TPSG1: variants seen among roughly 807,000 people sequenced by gnomAD.
The protein encoded by TPSG1 is tryptase gamma 1.
A neutral mutation model predicts 23.8 loss-of-function variants in TPSG1; 43 were observed. The ratio of observed to expected loss-of-function variants is 1.81; its 90% CI spans 1.42 to 2.33. The LOEUF (loss-of-function observed/expected upper bound fraction) is 2.33, where lower values mean the gene tolerates loss of function less well. Among genes scored for constraint, TPSG1 ranks in the 30% most tolerant of loss-of-function variants. The pLI is 0.00. For synonymous variants in TPSG1, 302 were observed against 201.3 expected (o/e 1.50, Z -4.23); for missense variants, 623 against 438.6 (o/e 1.42, Z -3.75).
At position 1,223,549 on chromosome 16, in the gene TPSG1, C is replaced by T. The variant is rs373060232; in HGVS notation, c.119G>A (p.Gly40Glu). Residue 40 changes from glycine (G) to glutamate (E), a missense_variant, in exon 3 of 6, where the codon GGG (glycine) becomes GAG (glutamate). Physicochemically the swap from Gly to Glu is moderately conservative, Grantham distance 98. Transcript: ENST00000234798. ...QVSDAGGRIV[G>E]GHAAPAGAWP... The stretch of plus-strand genomic sequence containing the variant: ...TGCGCCGGCCGGGGCAGCGTGACCC[C>T]CCACGATCCGGCCGCCTGCATCCGA... 9.8e-5 allele frequency: 151 copies of T among 1,547,242 alleles called. 1 individual carries two copies. In the African/African-American group the frequency reaches 2.0e-3, roughly 20 times the overall value.
intron 1 of TPSG1, chr16:1,224,877 C>G: frequency 3.3e-6 from 2 of 602,394 alleles, no homozygotes; most frequent in Non-Finnish European, 5.9e-6. Flanking sequence ...CCTCCCCGCC[C>G]TCCAGGTCCT....
chr16:1,223,446 G>C lies in TPSG1; in HGVS notation c.222C>G (p.Leu74=). Reference sequence around the variant, plus strand: ...ACCCGGAGAAGCAGTGGGCAGCTGTGAGCACCCACTGGGGGCTGAGCAGTG... The same window carrying C: ...ACCCGGAGAAGCAGTGGGCAGCTGTCAGCACCCACTGGGGGCTGAGCAGTG... ...GGSLLSPQWV[L]TAAHCFSGSL... is the part of the protein sequence containing the mutation. Residue 74 remains leucine, a synonymous_variant, in exon 3 of 6, where the codon CTC becomes CTG. Coordinates refer to ENST00000234798, the MANE Select transcript of TPSG1 (RefSeq NM_012467.4). 2 of 1,588,372 alleles carry C rather than the reference G, an allele frequency of 1.3e-6. No individual in the cohort carries two copies. Among genetic ancestry groups the C allele is most frequent in the Non-Finnish European group, 1.7e-6 (2 of 1,169,684 alleles).
chr16:1,222,700 G>A lies in TPSG1; in HGVS notation c.463C>T (p.Pro155Ser), dbSNP rs1371348218. 1 of 1,602,446 alleles carries A rather than the reference G, an allele frequency of 6.2e-7. No homozygotes were observed. The highest frequency in any genetic ancestry group is 1.1e-5 in the South Asian group (1 of 90,632). ...CCGGTCACCCAGCACCGGATCCCAG[G>A]GCAGAAGTCATCTGAGGCCTCCGGG... ...CLPEASDDFCPGIRCWVTGWG... is the reference protein window; with the variant it reads ...CLPEASDDFCSGIRCWVTGWG... Residue 155 changes from proline (P) to serine (S), a missense_variant, in exon 4 of 6, where the codon CCT (proline) becomes TCT (serine). Pro to Ser is a moderately conservative substitution (Grantham distance 74). Transcript: ENST00000234798.
chr16:1,221,692 A>G lies in TPSG1; in HGVS notation c.*96T>C, dbSNP rs1970490358. 2.4e-6 allele frequency: 3 copies of G among 1,238,876 alleles called. No individual in the cohort carries two copies. Among genetic ancestry groups the G allele is most frequent in the Admixed American group, 2.9e-5 (1 of 34,732 alleles). 76.7% of individuals were successfully genotyped at this position (1,238,876 alleles called of 1,614,324 possible). Reference sequence around the variant, plus strand: ...TTAAATTCAGGTTAAATGTTGCAATAATCTGATGCAGAAGACTCAGCTTCT... The same window carrying G: ...TTAAATTCAGGTTAAATGTTGCAATGATCTGATGCAGAAGACTCAGCTTCT... On this transcript the variant is annotated 3_prime_UTR_variant, in exon 6 of 6. Coordinates refer to ENST00000234798, the MANE Select transcript of TPSG1 (RefSeq NM_012467.4).
In TPSG1 at chr16:1,222,271, C is replaced by G. The variant is rs1029398695; in HGVS notation, c.582G>C (p.Arg194=). The change falls in exon 5 of 6, where the codon CGG becomes CGC. Residue 194 remains arginine (R), a synonymous_variant. Transcript: ENST00000234798. ...VSVVDTETCR[R]DYPGPGGSIL... is the part of the protein sequence containing the mutation. ...TGCTGCCCCCGGGGCCGGGATAGTC[C>G]CGGCGGCAGGTCTCTGTGTCCACCA... 3.1e-6 allele frequency: 5 copies of G among 1,611,960 alleles called. No homozygotes were observed. The highest frequency in any genetic ancestry group is 4.2e-6 in the Non-Finnish European group (5 of 1,179,690).
In TPSG1 at chr16:1,222,818, G is replaced by A. The variant is rs1209027821; in HGVS notation, c.345C>T (p.Ser115=). The part of the protein sequence containing the change: ...STVRQIILHS[S]PSGQPGTSGD... ...CGCTGGTCCCCGGCTGTCCTGAGGG[G>A]CTGGAGTGCAGGATGATCTGCCTCA... The change falls in exon 4 of 6, where the codon AGC becomes AGT. Residue 115 remains serine, a synonymous_variant. Transcript: ENST00000234798. 1 of 1,611,906 alleles carries A rather than the reference G, an allele frequency of 6.2e-7. No individual in the cohort carries two copies. The highest frequency in any genetic ancestry group is 8.5e-7 in the Non-Finnish European group (1 of 1,179,732).
Position 1,221,733 on chromosome 16 carries a change from G to T in TPSG1, c.*55C>A. The T allele has an allele frequency of 6.8e-6, 10 of 1,479,888 alleles. No homozygotes were observed. Among genetic ancestry groups the T allele is most frequent in the Non-Finnish European group, 9.1e-6 (10 of 1,097,802 alleles). 91.7% of individuals were successfully genotyped at this position (1,479,888 alleles called of 1,614,324 possible). A position where few individuals can be genotyped will look rare whatever the true frequency, so the allele number is the denominator to read the frequency against. On this transcript the variant is annotated 3_prime_UTR_variant, in exon 6 of 6. Transcript: ENST00000234798. ...CTCAGCTTCTCAAGGGAGAGGGAGG[G>T]GGCGGAGCGGAATAAATAGTAACTT...
intron 2 of TPSG1, 136 bp downstream of exon 2, chr16:1,224,466 G>T (rs575532487): frequency 2.0e-5 from 23 of 1,146,768 alleles, no homozygotes; most frequent in Non-Finnish European, 2.8e-5. Context: ...CGAGAGATGC[G>T]AGCAGAAACC....
At chr16:1,222,606 C>T (rs1203040627) in intron 4 of TPSG1, 46 bp downstream of exon 4, 14 of 1,515,928 alleles carry the variant, frequency 9.2e-6, no homozygotes, top group African/African-American at 4.2e-5. Context: ...CTCTTCCTGC[C>T]GCCCTTGCCT....
chr16:1,225,058 G>A (rs2030073591), intron 1 of TPSG1, 149 bp downstream of exon 1: 1 of 840,306 alleles, frequency 1.2e-6, no homozygotes, highest in Non-Finnish European at 1.8e-6. Context: ...AGCCAGGGGT[G>A]CAGTCTCTTC....
At chr16:1,223,980 T>C (rs1185237828) in intron 2 of TPSG1, 6 of 247,406 alleles carry the variant, frequency 2.4e-5, no homozygotes, top group African/African-American at 4.6e-5. Context: ...GGTGGAGATA[T>C]TCGAAGCTGG....
intron 2 of TPSG1, chr16:1,223,978 T>G: frequency 4.1e-6 from 1 of 244,384 alleles, no homozygotes; most frequent in Non-Finnish European, 7.7e-6. Flanking sequence ...GTGGTGGAGA[T>G]ATTCGAAGCT....
intron 1 of TPSG1, 116 bp from the exon 2 acceptor site, chr16:1,224,744 C>T: frequency 7.5e-7 from 1 of 1,331,376 alleles, no homozygotes; most frequent in East Asian, 2.4e-5. Context: ...TGGTCCTGAG[C>T]AGAGGGGCCC....
intron 3 of TPSG1, 111 bp downstream of exon 3, chr16:1,223,312 C>CA: frequency 1.5e-6 from 2 of 1,330,316 alleles, no homozygotes; most frequent in Admixed American, 3.0e-5. Context: ...GAAGTAGGCT[C>CA]AGAGTTCCCA....
In TPSG1 at chr16:1,221,755, A is replaced by T; in HGVS notation, c.*33T>A. 1 of 1,563,426 alleles carries T rather than the reference A, an allele frequency of 6.4e-7. No individual in the cohort carries two copies. The highest frequency in any genetic ancestry group is 8.7e-7 in the Non-Finnish European group (1 of 1,151,720). On this transcript the variant is annotated 3_prime_UTR_variant, in exon 6 of 6. Coordinates refer to ENST00000234798, the MANE Select transcript of TPSG1 (RefSeq NM_012467.4). Reference sequence around the variant, plus strand: ...AGGGGGCGGAGCGGAATAAATAGTAACTTATTTAAGAAATGCACTTGGATT... The same window carrying T: ...AGGGGGCGGAGCGGAATAAATAGTATCTTATTTAAGAAATGCACTTGGATT...
Position 1,222,210 on chromosome 16 carries a change from C to G in TPSG1, c.643G>C (p.Gly215Arg). Residue 215 changes from glycine (G) to arginine (R), a missense_variant, in exon 5 of 6, where the codon GGG becomes CGG. By Grantham distance (125) the Gly-to-Arg change is moderately radical. Coordinates refer to ENST00000234798, the MANE Select transcript of TPSG1 (RefSeq NM_012467.4). Reference sequence around the variant, plus strand: ...GGCAGGCTCACCTGGCAGGCATCCCCGGGGCCCCGGGCACACAGCATGTCG... The same window carrying G: ...GGCAGGCTCACCTGGCAGGCATCCCGGGGGCCCCGGGCACACAGCATGTCG... ...QPDMLCARGP[G>R]DACQDDSGGP... is the part of the protein sequence containing the mutation. 1 of 1,611,544 alleles carries G rather than the reference C, an allele frequency of 6.2e-7. No homozygotes were observed.
intron 2 of TPSG1, 54 bp downstream of exon 2, chr16:1,224,548 C>T (rs566491396): frequency 2.5e-6 from 4 of 1,611,260 alleles, no homozygotes; most frequent in East Asian, 2.2e-5. Context: ...CGAGGCCCTC[C>T]TGCCAGGCCT....
chr16:1,223,871 C>T (rs908533742), intron 2 of TPSG1: 2 of 490,674 alleles, frequency 4.1e-6, no homozygotes, highest in Non-Finnish European at 7.1e-6. Flanking sequence ...GCAGAGGGCC[C>T]CTAGGCGGCT....
intron 3 of TPSG1, among the ~76,000 whole-genome samples, 175 bp downstream of exon 3, chr16:1,223,248 A>T (rs1390933345): frequency 6.6e-6 from 1 of 152,222 alleles, no homozygotes; most frequent in Non-Finnish European, 1.5e-5. Context: ...GTGAGCAAAG[A>T]GCTGCAGAAC....
Sources: gnomAD v4.1 joint callset for allele counts (sites outside exome capture counted in the v4.1 genomes callset) on GRCh38, gnomAD v4.1.1 for gene constraint, MANE v1.5 for transcripts, NCBI Gene and HGNC (gene_info 2026-07-23, HGNC 2026-07-21) for gene names.